THSD7A: variants seen among roughly 807,000 people sequenced by gnomAD.
The protein encoded by THSD7A is thrombospondin type 1 domain containing 7A, also known as thrombospondin type-1 domain-containing protein 7A.
A neutral mutation model predicts 231.3 loss-of-function variants in THSD7A; 96 were observed. The observed-to-expected ratio is 0.41, with a 90% CI of 0.35 to 0.49. THSD7A has a LOEUF of 0.49. Among genes scored for constraint, THSD7A ranks in the 20% least tolerant of loss-of-function variants. THSD7A has a pLI of 0.05. For missense variants in THSD7A, 2,290 were observed against 2,070.2 expected (o/e 1.11, Z -2.06); for synonymous variants, 940 against 743.3 (o/e 1.26, Z -4.30).
intron 24 of THSD7A, 62 bp downstream of exon 24, chr7:11,382,459 C>T: frequency 7.5e-7 from 1 of 1,330,820 alleles, no homozygotes; most frequent in Non-Finnish European, 1.1e-6. Context: ...TTATTTTCTT[C>T]AACCAATCAC....
In THSD7A at chr7:11,751,852, C is replaced by T. The variant is rs575019385; in HGVS notation, c.190+79905G>A. The stretch of plus-strand genomic sequence containing the variant: ...TCGGTCCCATCCTCCTGAAATGGGT[C>T]GGGACTGTCCCTTACTGACACTCCC... On this transcript the variant is annotated intron_variant, in intron 1 of 27. Coordinates refer to ENST00000423059, the MANE Select transcript of THSD7A (RefSeq NM_015204.3). Among the ~76,000 whole-genome samples, 9 of 152,108 alleles carry T rather than the reference C, an allele frequency of 5.9e-5. No individual in the cohort carries two copies. The South Asian group carries it at 1.7e-3, about 28-fold the overall frequency.
chr7:11,425,786 C>A (rs1468245), intron 15 of THSD7A, among the ~76,000 whole-genome samples: 9,371 of 143,922 alleles, frequency 0.065, 637 homozygotes, highest in African/African-American at 0.17. Flanking sequence ...AGACAGAGAG[C>A]AAGAGAGAGA....
chr7:11,774,553 A>G (rs1452202208), intron 1 of THSD7A, among the ~76,000 whole-genome samples: 1 of 152,010 alleles, frequency 6.6e-6, no homozygotes, highest in Non-Finnish European at 1.5e-5. Context: ...TTTGGAGGTA[A>G]TGGATATTTT....
At chr7:11,801,694 G>A (rs958958111) in intron 1 of THSD7A, among the ~76,000 whole-genome samples, 1 of 152,072 alleles carries the variant, frequency 6.6e-6, no homozygotes, top group African/African-American at 2.4e-5. Context: ...GTTTAGATGT[G>A]GAAAATGAGT....
At chr7:11,514,378 T>C (rs1325742951) in intron 6 of THSD7A, among the ~76,000 whole-genome samples, 1 of 152,140 alleles carries the variant, frequency 6.6e-6, no homozygotes, top group African/African-American at 2.4e-5. Flanking sequence ...TCAGTTAATA[T>C]TTGTTGAATA....
chr7:11,828,698 T>C (rs1785100242), intron 1 of THSD7A, among the ~76,000 whole-genome samples: 1 of 151,522 alleles, frequency 6.6e-6, no homozygotes, highest in African/African-American at 2.4e-5. Context: ...AACTCTTTGT[T>C]GTGAGTTGAC....
rs543870887 is a variant in THSD7A at position 11,829,545 on chromosome 7, T to C, written c.190+2212A>G. ...TCATTTTAATTCAATAATCTCACCA[T>C]TAATATGATTCTCTATAATCCTCTG... On this transcript the variant is annotated intron_variant, in intron 1 of 27. Coordinates refer to ENST00000423059, the MANE Select transcript of THSD7A (RefSeq NM_015204.3). 1.6e-3 allele frequency among the ~76,000 whole-genome samples: 246 copies of C among 152,262 alleles called. 2 individuals carry two copies. The highest frequency in any genetic ancestry group is 5.7e-3 in the African/African-American group (236 of 41,562).
chr7:11,760,073 G>C (rs1283081446), intron 1 of THSD7A, among the ~76,000 whole-genome samples: 3 of 151,936 alleles, frequency 2.0e-5, no homozygotes, highest in Non-Finnish European at 2.9e-5. Flanking sequence ...AGCATCTCAA[G>C]GTACTTATTG....
intron 11 of THSD7A, among the ~76,000 whole-genome samples, chr7:11,451,475 T>A (rs1178332631): frequency 6.6e-6 from 1 of 151,988 alleles, no homozygotes. Flanking sequence ...AATAGCAACA[T>A]GTTAAAAACT....
At chr7:11,425,599 C>G (rs1784291693) in intron 15 of THSD7A, among the ~76,000 whole-genome samples, 1 of 151,702 alleles carries the variant, frequency 6.6e-6, no homozygotes, top group Admixed American at 6.6e-5. Context: ...GTTCTTTTTT[C>G]AATGAGAAGA....
At position 11,740,747 on chromosome 7, in the gene THSD7A, T is replaced by C. The variant is rs1222930410; in HGVS notation, c.190+91010A>G. On this transcript the variant is annotated intron_variant, in intron 1 of 27. Coordinates refer to ENST00000423059, the MANE Select transcript of THSD7A (RefSeq NM_015204.3). Reference sequence around the variant, plus strand: ...TACCTGTCTTTAGATTATGCTATAATATGTCAGTACCAGAAAGTATATTGT... The same window carrying C: ...TACCTGTCTTTAGATTATGCTATAACATGTCAGTACCAGAAAGTATATTGT... 3.9e-5 allele frequency among the ~76,000 whole-genome samples: 6 copies of C among 152,012 alleles called. No individual in the cohort carries two copies. The East Asian group carries it at 1.2e-3, about 30-fold the overall frequency.
chr7:11,541,547 G>C lies in THSD7A; in HGVS notation c.1694C>G (p.Ala565Gly). 6.2e-7 allele frequency: 1 copy of C among 1,613,942 alleles called. No individual in the cohort carries two copies. Among genetic ancestry groups the C allele is most frequent in the Non-Finnish European group, 8.5e-7 (1 of 1,179,878 alleles). ...VTGNCPHLLE[A>G]IPCEEPACYD... ...ACAGGCAGGCTCTTCACAGGGAATGGCTTCCAGTAAGTGAGGGCAGTTTCC... is the reference window on the plus strand; with the variant it reads ...ACAGGCAGGCTCTTCACAGGGAATGCCTTCCAGTAAGTGAGGGCAGTTTCC... Residue 565 changes from alanine (A) to glycine (G), a missense_variant, in exon 6 of 28, where the codon GCC becomes GGC. Transcript: ENST00000423059.
chr7:11,406,301 TGG>T lies in THSD7A; in HGVS notation c.4234_4235del (p.Pro1412ArgfsTer2). On this transcript the variant is annotated frameshift_variant and splice_region_variant, in exon 22 of 28. Transcript: ENST00000423059. LOFTEE classifies it high-confidence loss of function. The surrounding 1 kb of genome is among the most constrained non-coding windows in gnomAD (Gnocchi z 4.7). ...VLEESCSQPC[P>X]GDCYLKDWSS... Reference sequence around the variant, plus strand: ...TGAATTCTCCTTTGCCGTTGTTACCTGGGCAAGGCTGGCTGCAGGATTCCTCC... The same window carrying T: ...TGAATTCTCCTTTGCCGTTGTTACCTGCAAGGCTGGCTGCAGGATTCCTCC... 1 of 1,603,138 alleles carries T rather than the reference TGG, an allele frequency of 6.2e-7. No individual in the cohort carries two copies. The highest frequency in any genetic ancestry group is 8.5e-7 in the Non-Finnish European group (1 of 1,175,726).
Position 11,411,429 on chromosome 7 carries a change from G to T in THSD7A, c.3683-107C>A. On this transcript the variant is annotated intron_variant, in intron 18 of 27. Coordinates refer to ENST00000423059, the MANE Select transcript of THSD7A (RefSeq NM_015204.3). This position sits in a 1 kb window ranked among gnomAD's most constrained non-coding sequence, Gnocchi z 4.1. ...TATTTAATTCACAACTGCTTCCTAAGCCCCATAATCAATCATCCCCCATGC... is the reference window on the plus strand; with the variant it reads ...TATTTAATTCACAACTGCTTCCTAATCCCCATAATCAATCATCCCCCATGC... 2.8e-6 allele frequency: 2 copies of T among 725,338 alleles called. No homozygotes were observed. The highest frequency in any genetic ancestry group is 2.6e-5 in the Admixed American group (1 of 38,146). The allele number at this position is 725,338 out of a possible 1,614,324, so 44.9% of individuals were successfully genotyped here. A position where few individuals can be genotyped will look rare whatever the true frequency, so the allele number is the denominator to read the frequency against.
At chr7:11,775,719 C>G (rs2128172924) in intron 1 of THSD7A, among the ~76,000 whole-genome samples, 1 of 152,220 alleles carries the variant, frequency 6.6e-6, no homozygotes, top group Admixed American at 6.5e-5. Flanking sequence ...TTAACTGGTA[C>G]AGTTTCAGTT....
In THSD7A at chr7:11,788,430, C is replaced by A. The variant is rs569364075; in HGVS notation, c.190+43327G>T. ...TTTCTGAGGTATTCTCTGAGCATTT[C>A]CCCCCAATCCTCATGCCCATTTTGT... On this transcript the variant is annotated intron_variant, in intron 1 of 27. Coordinates refer to ENST00000423059, the MANE Select transcript of THSD7A (RefSeq NM_015204.3). Among the ~76,000 whole-genome samples, 5 of 152,074 alleles carry A rather than the reference C, an allele frequency of 3.3e-5. No individual in the cohort carries two copies. In the South Asian group the frequency reaches 8.3e-4, roughly 25 times the overall value.
chr7:11,793,511 A>C (rs1315862324), intron 1 of THSD7A, among the ~76,000 whole-genome samples: 2 of 151,706 alleles, frequency 1.3e-5, no homozygotes, highest in Non-Finnish European at 2.9e-5. Context: ...TAATGTTTTT[A>C]GTTTTAGAAA....
chr7:11,503,756 G>A (rs1423065699), intron 6 of THSD7A, among the ~76,000 whole-genome samples: 1 of 152,176 alleles, frequency 6.6e-6, no homozygotes, highest in African/African-American at 2.4e-5. Flanking sequence ...AAGCCACAGC[G>A]AGGTACCATC....
chr7:11,807,826 T>C (rs1359739481), intron 1 of THSD7A, among the ~76,000 whole-genome samples: 1 of 152,150 alleles, frequency 6.6e-6, no homozygotes, highest in African/African-American at 2.4e-5. Context: ...AATTCACTTG[T>C]TTTTGCCAAA....
Sources: gnomAD v4.1 joint callset for allele counts (sites outside exome capture counted in the v4.1 genomes callset) on GRCh38, gnomAD v4.1.1 for gene constraint, Gnocchi (gnomAD v3.1) non-coding constraint, MANE v1.5 for transcripts, NCBI Gene and HGNC (gene_info 2026-07-23, HGNC 2026-07-21) for gene names.